The following IL34 variants were observed in gnomAD, a reference collection of about 807,000 sequenced individuals.
The protein encoded by IL34 is interleukin 34.
A neutral mutation model predicts 25.3 loss-of-function variants in IL34; 17 were observed. That is an observed-to-expected ratio of 0.67 (90% confidence interval 0.46 to 1.01). IL34 has a LOEUF of 1.01. Ranked by LOEUF, IL34 falls within the 50% of genes least tolerant of loss-of-function variation. The pLI, the probability that IL34 is intolerant of heterozygous loss-of-function variation, is 0.00. For missense variants in IL34, 368 were observed against 312.9 expected, an observed-to-expected ratio of 1.18 and a Z score of -1.33; for synonymous variants, 174 against 140.9, an observed-to-expected ratio of 1.23 and a Z score of -1.66.
intron 1 of IL34, among the ~76,000 whole-genome samples, chr16:70,580,651 C>T (rs1363024661): frequency 6.6e-6 from 1 of 151,696 alleles, no homozygotes; most frequent in Non-Finnish European, 1.5e-5. Flanking sequence ...TGTGGTGGTA[C>T]ATGCCTGTAA....
At chr16:70,652,138 T>A (rs1044354505) in intron 1 of IL34, among the ~76,000 whole-genome samples, 24 of 142,762 alleles carry the variant, frequency 1.7e-4, no homozygotes, top group East Asian at 8.6e-4. Flanking sequence ...AAAAAAAAAA[T>A]AAATAAAAAT....
chr16:70,590,845 C>T (rs2050745671), intron 1 of IL34, among the ~76,000 whole-genome samples: 1 of 152,156 alleles, frequency 6.6e-6, no homozygotes, highest in African/African-American at 2.4e-5. Flanking sequence ...TCTCCCTGCC[C>T]CCGCCCCTGG....
At chr16:70,632,587 G>C (rs974982807) in intron 1 of IL34, among the ~76,000 whole-genome samples, 2 of 152,154 alleles carry the variant, frequency 1.3e-5, no homozygotes, top group Non-Finnish European at 2.9e-5. Context: ...TCTTATAAGC[G>C]GGCCAGTGGC....
intron 1 of IL34, among the ~76,000 whole-genome samples, chr16:70,590,435 C>A (rs1362669197): frequency 6.6e-6 from 1 of 152,146 alleles, no homozygotes; most frequent in African/African-American, 2.4e-5. Context: ...GGGGTGGAGC[C>A]AAGGCTGTGT....
Position 70,654,522 on chromosome 16 carries a change from C to T in IL34, c.29-16C>T, listed in dbSNP as rs1228463397. 1.9e-6 allele frequency: 3 copies of T among 1,597,652 alleles called. No homozygotes were observed. The highest frequency in any genetic ancestry group is 1.7e-5 in the Admixed American group (1 of 59,146). ...ATGGAGGGTGCTCATGTGCTCTTGTCGGGTGTGGTCCACAGATCTTGGGAT... is the reference window on the plus strand; with the variant it reads ...ATGGAGGGTGCTCATGTGCTCTTGTTGGGTGTGGTCCACAGATCTTGGGAT... On this transcript the variant is annotated splice_polypyrimidine_tract_variant and intron_variant, in intron 1 of 5. Coordinates refer to ENST00000288098, the MANE Select transcript of IL34 (RefSeq NM_001393494.1).
intron 1 of IL34, among the ~76,000 whole-genome samples, chr16:70,620,739 G>C (rs1464416898): frequency 1.3e-5 from 2 of 152,156 alleles, no homozygotes; most frequent in Non-Finnish European, 2.9e-5. Flanking sequence ...TTGCAGGATG[G>C]AAAAATTCAA....
At chr16:70,626,997 T>C (rs2051408132) in intron 1 of IL34, among the ~76,000 whole-genome samples, 4 of 152,164 alleles carry the variant, frequency 2.6e-5, no homozygotes, top group Non-Finnish European at 4.4e-5. Flanking sequence ...TTTAAAAATA[T>C]ATATGTTTCT....
At chr16:70,643,284 G>A (rs754409641), upstream of IL34, among the ~76,000 whole-genome samples, 1 of 152,060 alleles carries the variant, frequency 6.6e-6, no homozygotes, top group African/African-American at 2.4e-5. Context: ...GGCTGGTCTC[G>A]AATCCCTGAC....
At chr16:70,623,259 A>G (rs1462947559) in intron 1 of IL34, among the ~76,000 whole-genome samples, 1 of 152,098 alleles carries the variant, frequency 6.6e-6, no homozygotes, top group Non-Finnish European at 1.5e-5. Context: ...GCAAAGGAAT[A>G]GTAAAGAAAG....
rs374080180 is a variant in IL34, at chr16:70,585,984, C to T, written c.-401+5935C>T. On this transcript the variant is annotated intron_variant, in intron 1 of 6. Coordinates refer to the IL34 transcript ENST00000429149. ...AAGTAGCTGGGACTACAGGCGCCCA[C>T]CACCATGCCCGGCTAATTTTTGTAT... 3.9e-5 allele frequency among the ~76,000 whole-genome samples: 6 copies of T among 152,026 alleles called. No homozygotes were observed. In the South Asian group the frequency reaches 1.0e-3, roughly 26 times the overall value.
At chr16:70,625,004 G>A (rs185728018) in intron 1 of IL34, among the ~76,000 whole-genome samples, 2 of 152,190 alleles carry the variant, frequency 1.3e-5, no homozygotes, top group African/African-American at 4.8e-5. Context: ...CTGGACATCA[G>A]GCACCTCAGA....
At chr16:70,599,992 C>T (rs996171981) in intron 1 of IL34, among the ~76,000 whole-genome samples, 1 of 152,008 alleles carries the variant, frequency 6.6e-6, no homozygotes, top group African/African-American at 2.4e-5. Flanking sequence ...GCTTGGCTTC[C>T]AAGTCCCTCT....
chr16:70,636,162 C>A lies in IL34; in HGVS notation c.-400-10386C>A, dbSNP rs536916068. Among the ~76,000 whole-genome samples, 18 of 152,040 alleles carry A rather than the reference C, an allele frequency of 1.2e-4. No individual in the cohort carries two copies. The South Asian group carries it at 3.7e-3, about 32-fold the overall frequency. Reference sequence around the variant, plus strand: ...CAAGTAATTCTCTTGCCTCAGCCTCCTGAGTAGCTGGGATTACAGGTGTGT... The same window carrying A: ...CAAGTAATTCTCTTGCCTCAGCCTCATGAGTAGCTGGGATTACAGGTGTGT... On this transcript the variant is annotated intron_variant, in intron 1 of 6. Coordinates refer to the IL34 transcript ENST00000429149.
chr16:70,606,321 C>G (rs1314324859), intron 1 of IL34, among the ~76,000 whole-genome samples: 1 of 152,040 alleles, frequency 6.6e-6, no homozygotes, highest in Non-Finnish European at 1.5e-5. Flanking sequence ...TCACTTGAAC[C>G]TGGGAGGTGG....
intron 1 of IL34, among the ~76,000 whole-genome samples, chr16:70,581,570 TA>T (rs2050636471): frequency 6.6e-6 from 1 of 152,180 alleles, no homozygotes; most frequent in South Asian, 2.1e-4. Flanking sequence ...ACTAATTTAC[TA>T]ATTTCCAGGG....
At chr16:70,595,367 C>G (rs925762627) in intron 1 of IL34, among the ~76,000 whole-genome samples, 2 of 152,122 alleles carry the variant, frequency 1.3e-5, no homozygotes, top group African/African-American at 2.4e-5. Flanking sequence ...GGATCTCACT[C>G]TGTCACCCTG....
In IL34 at chr16:70,647,047, T is replaced by C. The variant is rs2051952699; in HGVS notation, c.28+72T>C. 2.3e-6 allele frequency: 3 copies of C among 1,289,290 alleles called. No homozygotes were observed. The South Asian group carries it at 5.6e-5, about 24-fold the overall frequency. The allele number at this position is 1,289,290 out of a possible 1,614,324, so 79.9% of individuals were successfully genotyped here. ...CTAGATCCAGGATCTGCCGTAACCA[T>C]AGCAACCAGGGCATTCTTGCTGGTG... On this transcript the variant is annotated intron_variant, in intron 1 of 5. Coordinates refer to ENST00000288098, the MANE Select transcript of IL34 (RefSeq NM_001393494.1).
intron 1 of IL34, among the ~76,000 whole-genome samples, chr16:70,599,268 T>TCTTC (rs2050870802): frequency 1.0e-5 from 1 of 98,872 alleles, no homozygotes; most frequent in South Asian, 4.0e-4. Flanking sequence ...AAGAACTGTT[T>TCTTC]CTTTCTTTCT....
intron 1 of IL34, among the ~76,000 whole-genome samples, chr16:70,641,344 A>G (rs1029234418): frequency 1.3e-5 from 2 of 152,138 alleles, no homozygotes; most frequent in Admixed American, 6.6e-5. Flanking sequence ...TATTATTCAT[A>G]ATGGCCAAAA....
Sources: gnomAD v4.1 joint callset for allele counts (sites outside exome capture counted in the v4.1 genomes callset) on GRCh38, gnomAD v4.1.1 for gene constraint, MANE v1.5 for transcripts, NCBI Gene and HGNC (gene_info 2026-07-23, HGNC 2026-07-21) for gene names.